LRMDA: variants seen among roughly 807,000 people sequenced by gnomAD.
LRMDA encodes leucine-rich melanocyte differentiation-associated protein.
LRMDA carries 18 observed loss-of-function variants against 29.8 expected under a neutral mutation model. The observed-to-expected ratio is 0.60, with a 90% CI of 0.42 to 0.90. The LOEUF (loss-of-function observed/expected upper bound fraction) is 0.90. Ranked by LOEUF, LRMDA falls within the 40% of genes least tolerant of loss-of-function variation. The pLI is 0.00. For missense variants in LRMDA, 273 were observed against 273.9 expected (o/e 1.00, Z 0.02); for synonymous variants, 125 against 109.4 (o/e 1.14, Z -0.89).
chr10:75,823,976 C>G (rs1183386859), intron 2 of LRMDA, among the ~76,000 whole-genome samples: 1 of 152,000 alleles, frequency 6.6e-6, no homozygotes, highest in African/African-American at 2.4e-5. Flanking sequence ...ATAATAGACA[C>G]TGGAGACTTC....
chr10:76,347,802 T>A (rs1841127132), intron 6 of LRMDA, among the ~76,000 whole-genome samples: 1 of 152,166 alleles, frequency 6.6e-6, no homozygotes, highest in African/African-American at 2.4e-5. Flanking sequence ...TTAAGTCTAA[T>A]AAGAAAAATC....
chr10:76,021,526 G>A (rs1440885743), intron 2 of LRMDA, among the ~76,000 whole-genome samples: 1 of 152,182 alleles, frequency 6.6e-6, no homozygotes, highest in African/African-American at 2.4e-5. Context: ...GTCCTAACCT[G>A]AGTTTCCTTG....
intron 2 of LRMDA, among the ~76,000 whole-genome samples, chr10:75,549,361 G>A (rs1840115770): frequency 6.6e-6 from 1 of 152,118 alleles, no homozygotes; most frequent in Non-Finnish European, 1.5e-5. Context: ...GCCTGTAAAG[G>A]ACTTGAGCAT....
chr10:75,741,794 G>A (rs991358985), intron 2 of LRMDA, among the ~76,000 whole-genome samples: 2 of 152,168 alleles, frequency 1.3e-5, no homozygotes, highest in Admixed American at 6.5e-5. Context: ...TCCTGTTATG[G>A]ACTATTTGTT....
Position 75,960,702 on chromosome 10 carries a change from C to T in LRMDA, c.132-75306C>T, listed in dbSNP as rs1846749243. On this transcript the variant is annotated intron_variant, in intron 2 of 6. Coordinates refer to ENST00000611255, the MANE Select transcript of LRMDA (RefSeq NM_001305581.2). Reference sequence around the variant, plus strand: ...GATCTCGGCTCACTGCAACCTCTGTCTCCAGGGTTCAAGTGATTCTTCTGC... The same window carrying T: ...GATCTCGGCTCACTGCAACCTCTGTTTCCAGGGTTCAAGTGATTCTTCTGC... Among the ~76,000 whole-genome samples the T allele has an allele frequency of 2.0e-5, 3 of 152,228 alleles. No individual in the cohort carries two copies. In the South Asian group the frequency reaches 6.2e-4, roughly 31 times the overall value.
chr10:75,963,204 A>T (rs1357987492), intron 2 of LRMDA, among the ~76,000 whole-genome samples: 1 of 152,340 alleles, frequency 6.6e-6, no homozygotes, highest in Middle Eastern at 3.4e-3. Flanking sequence ...TGACATCCTG[A>T]TATCTAGGGT....
intron 6 of LRMDA, among the ~76,000 whole-genome samples, chr10:76,531,202 C>G (rs10824421): frequency 0.39 from 58,669 of 151,946 alleles, 12,134 homozygotes; most frequent in African/African-American, 0.47. Flanking sequence ...GAGACCAGCC[C>G]CTGTGCTGAA....
chr10:76,157,845 A>G (rs571007281), intron 5 of LRMDA, among the ~76,000 whole-genome samples: 2 of 152,302 alleles, frequency 1.3e-5, no homozygotes, highest in South Asian at 4.1e-4. Flanking sequence ...ATACAAACCT[A>G]GATGGTATAG....
intron 5 of LRMDA, among the ~76,000 whole-genome samples, chr10:76,127,382 C>T (rs770674803): frequency 2.6e-5 from 4 of 152,182 alleles, no homozygotes; most frequent in South Asian, 2.1e-4. Context: ...CATCTTCCTG[C>T]GAAATATACT....
chr10:75,826,628 C>A (rs1278713267), intron 2 of LRMDA, among the ~76,000 whole-genome samples: 1 of 152,080 alleles, frequency 6.6e-6, no homozygotes, highest in Non-Finnish European at 1.5e-5. Flanking sequence ...TATATGTGGG[C>A]AGATTAATGC....
chr10:75,537,473 A>G (rs1202620737), intron 2 of LRMDA, among the ~76,000 whole-genome samples: 1 of 152,176 alleles, frequency 6.6e-6, no homozygotes, highest in Non-Finnish European at 1.5e-5. Flanking sequence ...CCTGACTGTC[A>G]GGATTAAATG....
intron 5 of LRMDA, among the ~76,000 whole-genome samples, chr10:76,064,457 T>C (rs1848752153): frequency 1.3e-5 from 2 of 152,192 alleles, no homozygotes; most frequent in South Asian, 4.1e-4. Flanking sequence ...CACAAGTCTG[T>C]GTGTAGTTAC....
At chr10:76,495,213 ATTTTG>A (rs543493073) in intron 6 of LRMDA, among the ~76,000 whole-genome samples, 271 of 147,804 alleles carry the variant, frequency 1.8e-3, no homozygotes, top group South Asian at 6.9e-3. Context: ...CATTTCTTAT[ATTTTG>A]TTTTGTTTTG....
intron 2 of LRMDA, among the ~76,000 whole-genome samples, chr10:75,572,651 A>C (rs1244628703): frequency 1.8e-4 from 28 of 152,236 alleles, no homozygotes; most frequent in Non-Finnish European, 1.5e-5. Context: ...TTTCTTGCTG[A>C]AGGCTAAGTA....
intron 6 of LRMDA, among the ~76,000 whole-genome samples, chr10:76,515,476 A>G (rs1843050519): frequency 6.6e-6 from 1 of 152,122 alleles, no homozygotes; most frequent in African/African-American, 2.4e-5. Flanking sequence ...ATTAGAAAGT[A>G]TGGTAGATTA....
chr10:76,524,441 C>A (rs1843153708), intron 6 of LRMDA, among the ~76,000 whole-genome samples: 1 of 152,184 alleles, frequency 6.6e-6, no homozygotes, highest in Non-Finnish European at 1.5e-5. Context: ...TTACTAGGAA[C>A]AACTTTAATG....
intron 2 of LRMDA, among the ~76,000 whole-genome samples, chr10:75,747,187 A>G (rs1842899927): frequency 6.6e-6 from 1 of 152,086 alleles, no homozygotes; most frequent in Admixed American, 6.5e-5. Flanking sequence ...ATGTAATTTA[A>G]TTTTTCGTAT....
intron 6 of LRMDA, among the ~76,000 whole-genome samples, chr10:76,503,826 A>G (rs1406909928): frequency 2.7e-5 from 4 of 146,420 alleles, no homozygotes; most frequent in Non-Finnish European, 6.0e-5. Flanking sequence ...TTTCAATTTC[A>G]TTTAGTTGTT....
At chr10:76,376,916 C>T (rs1394534953) in intron 6 of LRMDA, among the ~76,000 whole-genome samples, 36 of 99,230 alleles carry the variant, frequency 3.6e-4, no homozygotes, top group Admixed American at 6.4e-4. Context: ...GACGTAGTCT[C>T]GCTCTGTTGC....
Sources: gnomAD v4.1 joint callset for allele counts (sites outside exome capture counted in the v4.1 genomes callset) on GRCh38, gnomAD v4.1.1 for gene constraint, MANE v1.5 for transcripts, NCBI Gene and HGNC (gene_info 2026-07-23, HGNC 2026-07-21) for gene names.